CCDC14: variants seen among roughly 807,000 people sequenced by gnomAD.
CCDC14 encodes the protein coiled-coil domain-containing protein 14.
Under a neutral mutation model 81.4 loss-of-function variants are expected in CCDC14, and 71 were observed. The ratio of observed to expected loss-of-function variants is 0.87; its 90% confidence interval spans 0.72 to 1.06. The LOEUF is 1.06. Among genes scored for constraint, CCDC14 ranks in the 50% least tolerant of loss-of-function variants. CCDC14 has a pLI of 0.00. For synonymous variants in CCDC14, 332 were observed against 364.8 expected, an observed-to-expected ratio of 0.91 and a Z score of 1.03; for missense variants, 1,046 against 1,047.3, an observed-to-expected ratio of 1.00 and a Z score of 0.02.
chr3:123,942,975 C>T (rs187564292), intron 9 of CCDC14, among the ~76,000 whole-genome samples: 204 of 151,976 alleles, frequency 1.3e-3, no homozygotes, highest in Non-Finnish European at 2.3e-3. Flanking sequence ...TGGGGCTACA[C>T]GAGTGCTTAC....
In CCDC14 at chr3:123,947,157, G is replaced by T. The variant is rs754753824; in HGVS notation, c.847C>A (p.Leu283Ile). 6.2e-6 allele frequency: 10 copies of T among 1,613,894 alleles called. No individual in the cohort carries two copies. In the South Asian group the frequency reaches 1.1e-4, roughly 18 times the overall value. The change falls in exon 8 of 13, where the codon CTT (leucine) becomes ATT (isoleucine). Residue 283 changes from leucine to isoleucine, a missense_variant. Transcript: ENST00000409697. ...SAIPTLQQLG[L>I]VNGILPQQGI... ...TGTTGTGGCAGAATTCCATTAACAA[G>T]GCCCAGTTGCTGCAATGTTGGAATA... is the stretch of plus-strand genomic sequence containing the variant.
rs79898922 is a variant in CCDC14 at position 123,946,919 on chromosome 3, C to T, written c.1085G>A (p.Arg362Gln). 755 of 1,613,922 alleles carry T rather than the reference C, an allele frequency of 4.7e-4. 2 individuals are homozygous for T. In the African/African-American group the frequency reaches 8.6e-3, roughly 18 times the overall value. Residue 362 changes from arginine (R) to glutamine (Q), a missense_variant, in exon 8 of 13, where the codon CGA becomes CAA. Coordinates refer to ENST00000409697, the MANE Select transcript of CCDC14 (RefSeq NM_001366335.1). Reference protein sequence around the residue: ...SERKDLNIHVRDTKTVKDVQK... With the variant: ...SERKDLNIHVQDTKTVKDVQK... ...TACATCCTTCACTGTTTTTGTATCT[C>T]GCACATGTATGTTTAAATCCTTTCT...
intron 5 of CCDC14, chr3:123,952,471 A>C (rs1003026427): frequency 2.8e-6 from 1 of 357,322 alleles, no homozygotes; most frequent in Admixed American, 2.6e-5. Context: ...TCACATGTAA[A>C]AGTTGCTTAT....
chr3:123,900,254 G>A (rs1385542564), intron 5 of CCDC14, among the ~76,000 whole-genome samples: 1 of 152,162 alleles, frequency 6.6e-6, no homozygotes, highest in South Asian at 2.1e-4. Context: ...AAATACTTTG[G>A]GAATTTTTTG....
chr3:123,897,000 T>C (rs2034075288), downstream of CCDC14, among the ~76,000 whole-genome samples: 2 of 152,140 alleles, frequency 1.3e-5, no homozygotes, highest in Admixed American at 1.3e-4. Flanking sequence ...CCCAAAATTC[T>C]ATAATTACTC....
chr3:123,952,862 C>T (rs1393291959), intron 5 of CCDC14: 1 of 212,298 alleles, frequency 4.7e-6, no homozygotes. Flanking sequence ...GGTAACAAAG[C>T]AAAATCTTGT....
intron 5 of CCDC14, among the ~76,000 whole-genome samples, chr3:123,902,423 T>C (rs2034196048): frequency 6.6e-6 from 1 of 152,244 alleles, no homozygotes; most frequent in Non-Finnish European, 1.5e-5. Context: ...TGACTCCTGA[T>C]GGAGAAACAA....
exon 6 of CCDC14, chr3:123,897,607 A>G (rs1407503649): frequency 8.4e-7 from 1 of 1,193,026 alleles, no homozygotes; most frequent in South Asian, 1.5e-5. Context: ...CCACAGTTTT[A>G]AAAAGTCTGA....
intron 9 of CCDC14, among the ~76,000 whole-genome samples, chr3:123,936,209 A>T (rs1277179706): frequency 6.6e-6 from 1 of 152,188 alleles, no homozygotes; most frequent in Non-Finnish European, 1.5e-5. Flanking sequence ...CTTTTAAAAA[A>T]ATATTCTATT....
chr3:123,923,232 C>T (rs1011618908), intron 12 of CCDC14, among the ~76,000 whole-genome samples: 10 of 152,014 alleles, frequency 6.6e-5, no homozygotes, highest in Non-Finnish European at 1.3e-4. Context: ...TTTCAACACT[C>T]TTTCATGAAA....
At chr3:123,945,587 G>T (rs1446864243) in intron 8 of CCDC14, among the ~76,000 whole-genome samples, 1 of 152,098 alleles carries the variant, frequency 6.6e-6, no homozygotes, top group African/African-American at 2.4e-5. Context: ...ATTGCAAACA[G>T]ACACAGGCAT....
At chr3:123,961,098 T>TCC in intron 1 of CCDC14, 46 bp downstream of exon 1, 1 of 1,491,148 alleles carries the variant, frequency 6.7e-7, no homozygotes, top group South Asian at 1.2e-5. Context: ...AACCCCCCTG[T>TCC]CCCTCTCCAT....
At chr3:123,896,926 A>G (rs2034073987), downstream of CCDC14, among the ~76,000 whole-genome samples, 1 of 152,184 alleles carries the variant, frequency 6.6e-6, no homozygotes, top group African/African-American at 2.4e-5. Context: ...GGGCAGGGGC[A>G]GGGAAAATGT....
chr3:123,955,263 C>A (rs2037256013), intron 5 of CCDC14: 1 of 152,050 alleles, frequency 6.6e-6, no homozygotes, highest in Non-Finnish European at 1.5e-5. Context: ...ATCTTGTTTT[C>A]TAGGCCTCCA....
Position 123,956,006 on chromosome 3 carries a change from TTGAGA to T in CCDC14, c.229+35_229+39del, listed in dbSNP as rs548368564. 133 of 1,529,668 alleles carry T rather than the reference TTGAGA, an allele frequency of 8.7e-5. 2 individuals are homozygous for T. The South Asian group carries it at 1.4e-3, about 16-fold the overall frequency. The allele number at this position is 1,529,668 out of a possible 1,614,324, so 94.8% of individuals were successfully genotyped here. A position where few individuals can be genotyped will look rare whatever the true frequency, so the allele number is the denominator to read the frequency against. ...AAATTTGTTACATCAAAATAATGAC[TTGAGA>T]TAAGGTGATCAGCAAAGAATTAAAA... On this transcript the variant is annotated intron_variant, in intron 4 of 12. Transcript: ENST00000409697.
At chr3:123,957,922 T>A (rs1231383379) in intron 1 of CCDC14, 1 of 152,094 alleles carries the variant, frequency 6.6e-6, no homozygotes, top group Non-Finnish European at 1.5e-5. Flanking sequence ...TTTAATTTCA[T>A]CTCCAGATAG....
chr3:123,954,902 G>A (rs2037232339), intron 5 of CCDC14: 1 of 151,998 alleles, frequency 6.6e-6, no homozygotes, highest in Non-Finnish European at 1.5e-5. Context: ...GTGGCCAGTG[G>A]CTACCATCTT....
chr3:123,956,876 T>A (rs2037355055), intron 1 of CCDC14, 81 bp from the exon 2 acceptor site: 3 of 908,594 alleles, frequency 3.3e-6, no homozygotes, highest in South Asian at 3.6e-5. Flanking sequence ...AAATTTAATG[T>A]CATTTTTTTC....
At chr3:123,933,523 T>C in intron 10 of CCDC14, 150 bp downstream of exon 10, 2 of 605,402 alleles carry the variant, frequency 3.3e-6, no homozygotes, top group Non-Finnish European at 5.8e-6. Flanking sequence ...AAAAGGTGTA[T>C]ATTATTGGGA....
Sources: allele counts gnomAD v4.1 joint callset (sites outside exome capture counted in the v4.1 genomes callset), GRCh38; gene constraint gnomAD v4.1.1; transcripts MANE v1.5; gene names NCBI Gene and HGNC (gene_info 2026-07-23, HGNC 2026-07-21).